The following PRKAA1 variants were observed in gnomAD, a reference collection of about 807,000 sequenced individuals.
The protein encoded by PRKAA1 is 5'-AMP-activated protein kinase catalytic subunit alpha-1.
PRKAA1 carries 23 observed loss-of-function variants against 56.9 expected under a neutral mutation model. That is an observed-to-expected ratio of 0.40 (90% CI 0.29 to 0.57). PRKAA1 has a LOEUF of 0.57. PRKAA1 is among the 20% of genes least tolerant of loss of function. PRKAA1 has a pLI of 0.39. For synonymous variants in PRKAA1, 226 were observed against 227.0 expected (o/e 1.00, Z 0.04); for missense variants, 413 against 679.7 (o/e 0.61, Z 4.36).
rs2111967948 is a variant in PRKAA1 at position 40,762,057 on chromosome 5, GGTCAGGA to G, written c.*714_*720del. ...GGGAAGCTGAGGTGGTGGATCACGC[GGTCAGGA>G]GTTCGAGACCAGCCTGGGCAACATA... On this transcript the variant is annotated 3_prime_UTR_variant, in exon 9 of 9. Transcript: ENST00000397128. The G allele has an allele frequency of 6.6e-6, 1 of 152,172 alleles. No homozygotes were observed. The highest frequency in any genetic ancestry group is 1.9e-4 in the East Asian group (1 of 5,176). 9.4% of individuals were successfully genotyped at this position (152,172 alleles called of 1,614,324 possible).
intron 3 of PRKAA1, among the ~76,000 whole-genome samples, chr5:40,775,154 C>T (rs773061606): frequency 3.9e-5 from 6 of 152,134 alleles, no homozygotes; most frequent in East Asian, 1.9e-4. Context: ...AAGCCAATTC[C>T]GTCATTAATA....
Position 40,798,043 on chromosome 5 carries a change from T to TA in PRKAA1, c.127+19dup. On this transcript the variant is annotated intron_variant, in intron 1 of 8. Transcript: ENST00000397128. ...GCGGCTCCTCAGCTGGGGCCAAGCC[T>TA]AGTCCCGCGGGGTTCTCACCCTTCA... 1 of 1,604,846 alleles carries TA rather than the reference T, an allele frequency of 6.2e-7. No homozygotes were observed. The highest frequency in any genetic ancestry group is 8.5e-7 in the Non-Finnish European group (1 of 1,174,712).
chr5:40,775,573 A>G, intron 2 of PRKAA1, 70 bp from the exon 3 acceptor site: 1 of 1,240,440 alleles, frequency 8.1e-7, no homozygotes, highest in Non-Finnish European at 1.2e-6. Context: ...ATATTTACTA[A>G]GCACCTATAG....
In PRKAA1 at chr5:40,798,178, G is replaced by A. The variant is rs1188361793; in HGVS notation, c.12C>T (p.Leu4=). ...CTGTCGCCATCTTTCTCCAGGAACT[G>A]AGTCTGCGCATGGCGCTGCGGGAGG... MRR[L]SSWRKMATAE... The change falls in exon 1 of 9, where the codon CTC becomes CTT. Residue 4 remains leucine (L), a synonymous_variant. Coordinates refer to ENST00000397128, the MANE Select transcript of PRKAA1 (RefSeq NM_006251.6). The A allele has an allele frequency of 3.8e-6, 6 of 1,561,158 alleles. No individual in the cohort carries two copies. The highest frequency in any genetic ancestry group is 1.7e-5 in the Admixed American group (1 of 57,596).
intron 1 of PRKAA1, among the ~76,000 whole-genome samples, chr5:40,797,640 G>A (rs1451019882): frequency 6.6e-6 from 1 of 152,338 alleles, no homozygotes; most frequent in African/African-American, 2.4e-5. Context: ...GCCAAGGACC[G>A]CCAAGGAAGC....
chr5:40,765,136 A>C lies in PRKAA1; in HGVS notation c.924T>G (p.Cys308Trp), dbSNP rs1455034302. ...CCTCTTCTGAGCACTCAAACTTTTC[A>C]CATACTTCTTTTAAGGCTTCATCAT... ...MIDDEALKEV[C>W]EKFECSEEEV... Residue 308 changes from cysteine to tryptophan, a missense_variant, in exon 7 of 9, where the codon TGT becomes TGG. Coordinates refer to ENST00000397128, the MANE Select transcript of PRKAA1 (RefSeq NM_006251.6). The C allele has an allele frequency of 6.2e-7, 1 of 1,614,160 alleles. No individual in the cohort carries two copies. The highest frequency in any genetic ancestry group is 8.5e-7 in the Non-Finnish European group (1 of 1,180,010).
intron 5 of PRKAA1, chr5:40,768,322 T>C (rs1038272320): frequency 1.7e-5 from 10 of 586,340 alleles, no homozygotes; most frequent in East Asian, 1.4e-4. Flanking sequence ...CACCAAGAGC[T>C]TGAAGAAAGA....
intron 1 of PRKAA1, among the ~76,000 whole-genome samples, chr5:40,783,841 G>A (rs1168441969): frequency 6.6e-6 from 1 of 152,130 alleles, no homozygotes; most frequent in Admixed American, 6.5e-5. Flanking sequence ...GAGTTGAATA[G>A]GGTTGAACCC....
In PRKAA1 at chr5:40,762,763, A is replaced by C. The variant is rs758084732; in HGVS notation, c.*15T>G. The C allele has an allele frequency of 1.2e-6, 2 of 1,611,606 alleles. No individual in the cohort carries two copies. The highest frequency in any genetic ancestry group is 2.2e-5 in the South Asian group (2 of 90,852). ...CATGCTTATTGCTGCAAAAGAAATA[A>C]GCAAAGTTTTCTGTTTATTGTGCAA... On this transcript the variant is annotated 3_prime_UTR_variant, in exon 9 of 9. Coordinates refer to ENST00000397128, the MANE Select transcript of PRKAA1 (RefSeq NM_006251.6).
intron 1 of PRKAA1, among the ~76,000 whole-genome samples, chr5:40,787,059 C>A (rs1330593111): frequency 6.6e-6 from 1 of 151,650 alleles, no homozygotes; most frequent in Non-Finnish European, 1.5e-5. Flanking sequence ...AAGTATAAAA[C>A]TCACTGGAAA....
chr5:40,781,294 G>C (rs1339936761), intron 1 of PRKAA1, among the ~76,000 whole-genome samples: 1 of 152,110 alleles, frequency 6.6e-6, no homozygotes, highest in East Asian at 1.9e-4. Flanking sequence ...ATCACCAGTA[G>C]AATTTAGACA....
chr5:40,795,006 T>TAC (rs1468122343), intron 1 of PRKAA1, among the ~76,000 whole-genome samples: 11 of 139,952 alleles, frequency 7.9e-5, no homozygotes, highest in African/African-American at 2.0e-4. Flanking sequence ...TATACATATA[T>TAC]ATACACACAC....
chr5:40,783,300 T>C (rs780376743), intron 1 of PRKAA1, among the ~76,000 whole-genome samples: 18 of 152,118 alleles, frequency 1.2e-4, no homozygotes, highest in Non-Finnish European at 2.1e-4. Context: ...AGGAAAACTA[T>C]AGAAAATGTT....
intron 5 of PRKAA1, chr5:40,768,280 T>C (rs894944192): frequency 9.3e-6 from 3 of 321,438 alleles, no homozygotes; most frequent in South Asian, 1.2e-4. Flanking sequence ...AACTGATCGA[T>C]AAATATTATT....
intron 3 of PRKAA1, among the ~76,000 whole-genome samples, chr5:40,773,550 CA>C (rs1196400750): frequency 2.6e-5 from 4 of 151,988 alleles, no homozygotes; most frequent in African/African-American, 9.7e-5. Context: ...CATATAAAGA[CA>C]AAAAGAACAA....
intron 1 of PRKAA1, among the ~76,000 whole-genome samples, chr5:40,790,472 C>T (rs1579758568): frequency 6.6e-6 from 1 of 150,482 alleles, no homozygotes; most frequent in South Asian, 2.1e-4. Context: ...TGTGGTTTTC[C>T]GCTTTTTGAA....
rs746530227 is a variant in PRKAA1, at chr5:40,764,989, T to A, written c.1071A>T (p.Pro357=). 3.1e-6 allele frequency: 5 copies of A among 1,614,176 alleles called. No individual in the cohort carries two copies. Among genetic ancestry groups the A allele is most frequent in the Non-Finnish European group, 4.2e-6 (5 of 1,180,024 alleles). ...EAKDFYLATS[P]PDSFLDDHHL... ...GATGATCATCAAGAAAAGAATCAGGTGGGCTTGTCGCCAAATAGAAATCTT... is the reference window on the plus strand; with the variant it reads ...GATGATCATCAAGAAAAGAATCAGGAGGGCTTGTCGCCAAATAGAAATCTT... Residue 357 remains proline (P), a synonymous_variant, in exon 7 of 9, where the codon CCA becomes CCT. Transcript: ENST00000397128.
At chr5:40,790,391 C>A (rs1239282992) in intron 1 of PRKAA1, among the ~76,000 whole-genome samples, 1 of 152,218 alleles carries the variant, frequency 6.6e-6, no homozygotes, top group Non-Finnish European at 1.5e-5. Flanking sequence ...TATACCCTCA[C>A]ACAGTGACAG....
At chr5:40,797,749 G>A (rs1449067884) in intron 1 of PRKAA1, among the ~76,000 whole-genome samples, 1 of 152,190 alleles carries the variant, frequency 6.6e-6, no homozygotes, top group South Asian at 2.1e-4. Flanking sequence ...CCCAGAGCGC[G>A]CCGCGCCGCC....
Sources: allele counts gnomAD v4.1 joint callset (sites outside exome capture counted in the v4.1 genomes callset), GRCh38; gene constraint gnomAD v4.1.1; transcripts MANE v1.5; gene names NCBI Gene and HGNC (gene_info 2026-07-23, HGNC 2026-07-21).